ATP2C1: variants seen among roughly 807,000 people sequenced by gnomAD.
ATP2C1 encodes the protein ATPase secretory pathway Ca2+ transporting 1, also known as calcium-transporting ATPase type 2C member 1.
In ATP2C1, 31 loss-of-function variants were observed where a neutral mutation model predicts 120.5. The ratio of observed to expected loss-of-function variants is 0.26; its 90% CI spans 0.19 to 0.35. The LOEUF (loss-of-function observed/expected upper bound fraction) is 0.35. Among genes scored for constraint, ATP2C1 ranks in the 10% least tolerant of loss-of-function variants. The probability of loss-of-function intolerance (pLI) is 1.00; values close to 1 mark genes in which losing one functional copy is unlikely to be tolerated. For synonymous variants in ATP2C1, 351 were observed against 358.7 expected (o/e 0.98, Z 0.24); for missense variants, 731 against 1,107.5 (o/e 0.66, Z 4.83).
At chr3:130,918,388 G>A in intron 2 of ATP2C1, 1 of 1,362,860 alleles carries the variant, frequency 7.3e-7, no homozygotes, top group Non-Finnish European at 1.0e-6. Flanking sequence ...TTGTTCCAGG[G>A]CTTTCCAGCT....
chr3:130,931,312 A>G (rs1362930831), intron 3 of ATP2C1, among the ~76,000 whole-genome samples: 1 of 152,100 alleles, frequency 6.6e-6, no homozygotes, highest in East Asian at 1.9e-4. Flanking sequence ...ATCATGAGAG[A>G]GAATAACTGA....
chr3:131,016,045 T>G (rs202121445), intron 26 of ATP2C1: 656 of 1,470,146 alleles, frequency 4.5e-4, no homozygotes, highest in Middle Eastern at 8.6e-4. Context: ...TTGTTTTGGT[T>G]TTTTTTTTTA....
At chr3:130,918,595 T>G (rs2108221722) in intron 2 of ATP2C1, 2 of 711,602 alleles carry the variant, frequency 2.8e-6, no homozygotes, top group South Asian at 2.8e-5. Flanking sequence ...CTGTAGCCTT[T>G]TGGCCCATAC....
chr3:130,880,286 G>A, intron 1 of ATP2C1, among the ~76,000 whole-genome samples: 1 of 152,044 alleles, frequency 6.6e-6, no homozygotes, highest in Middle Eastern at 3.2e-3. Flanking sequence ...AAATAGTTTT[G>A]CATTCAGATG....
At chr3:131,000,003 A>C (rs932317226) in intron 27 of ATP2C1, among the ~76,000 whole-genome samples, 2 of 152,190 alleles carry the variant, frequency 1.3e-5, no homozygotes, top group African/African-American at 4.8e-5. Flanking sequence ...CTGAAAACCA[A>C]GTTGCTCTCT....
In ATP2C1 at chr3:130,975,336, G is replaced by T; in HGVS notation, c.1418G>T (p.Arg473Ile). 6.2e-7 allele frequency: 1 copy of T among 1,613,686 alleles called. No homozygotes were observed. The highest frequency in any genetic ancestry group is 1.1e-5 in the South Asian group (1 of 91,040). ...VKCVHRTQQD[R>I]PEICFMKGAY... ...TTTGGTACATTTTCTTCTTAGGACA[G>T]ACCAGAGATTTGTTTTATGAAAGGT... Residue 473 changes from arginine (R) to isoleucine (I), a missense_variant, in exon 18 of 28, where the codon AGA becomes ATA. Physicochemically the swap from Arg to Ile is moderately conservative, Grantham distance 97. This residue lies in a region of ATP2C1 where 571 missense variants were observed against 845.9 expected (regional missense o/e 0.67). Coordinates refer to ENST00000510168, the MANE Select transcript of ATP2C1 (RefSeq NM_001378687.1).
At chr3:130,893,426 A>C (rs852216), upstream of ATP2C1, among the ~76,000 whole-genome samples, 136,974 of 152,234 alleles carry the variant, frequency 0.9, 61,923 homozygotes, top group Non-Finnish European at 0.95. Flanking sequence ...ACACCCCTTA[A>C]AGAATTTTGG....
intron 2 of ATP2C1, among the ~76,000 whole-genome samples, chr3:130,900,937 G>A (rs1409902589): frequency 6.6e-6 from 1 of 152,108 alleles, no homozygotes; most frequent in African/African-American, 2.4e-5. Flanking sequence ...TATTTTTAGT[G>A]TTTCCCTAGC....
chr3:130,867,631 G>T (rs1474043511), intron 1 of ATP2C1, among the ~76,000 whole-genome samples: 1 of 147,612 alleles, frequency 6.8e-6, no homozygotes, highest in East Asian at 2.0e-4. Flanking sequence ...GCGTGATCTT[G>T]GCTCGCTACA....
intron 1 of ATP2C1, among the ~76,000 whole-genome samples, chr3:130,880,319 G>A (rs1370107481): frequency 6.6e-6 from 1 of 152,078 alleles, no homozygotes; most frequent in Non-Finnish European, 1.5e-5. Context: ...GCTTGATTGG[G>A]TCAGTTCAAG....
chr3:130,874,298 T>C (rs561814908), intron 1 of ATP2C1, among the ~76,000 whole-genome samples: 18 of 152,186 alleles, frequency 1.2e-4, no homozygotes, highest in Non-Finnish European at 7.4e-5. Flanking sequence ...CTGAAGTCAA[T>C]AGCCAATTTT....
At chr3:131,005,101 T>C (rs2063052200), downstream of ATP2C1, among the ~76,000 whole-genome samples, 1 of 149,978 alleles carries the variant, frequency 6.7e-6, no homozygotes, top group South Asian at 2.1e-4. Context: ...GCATGGAATT[T>C]GAATTGTCTT....
At chr3:130,879,256 G>A (rs1390521651) in intron 1 of ATP2C1, among the ~76,000 whole-genome samples, 2 of 151,862 alleles carry the variant, frequency 1.3e-5, no homozygotes, top group African/African-American at 2.4e-5. Context: ...TTTAATAGAG[G>A]CAGCGTTTCT....
Position 130,902,312 on chromosome 3 carries a change from T to G in ATP2C1, c.6+7537T>G, listed in dbSNP as rs538610507. Among the ~76,000 whole-genome samples the G allele has an allele frequency of 7.2e-3, 551 of 76,498 alleles. 4 individuals are homozygous for G. The highest frequency in any genetic ancestry group is 0.02 in the African/African-American group (495 of 24,674). 50.2% of individuals were successfully genotyped at this position (76,498 alleles called of 152,430 possible). ...TTTTTTTTTTGTTTTTTTTTTTTTTTTTTTTTTTTTCTGAGAGGTGAGTGG... is the reference window on the plus strand; with the variant it reads ...TTTTTTTTTTGTTTTTTTTTTTTTTGTTTTTTTTTTCTGAGAGGTGAGTGG... On this transcript the variant is annotated intron_variant, in intron 2 of 27. Coordinates refer to ENST00000510168, the MANE Select transcript of ATP2C1 (RefSeq NM_001378687.1).
At chr3:130,884,549 T>A (rs1355398474) in intron 1 of ATP2C1, among the ~76,000 whole-genome samples, 1 of 152,222 alleles carries the variant, frequency 6.6e-6, no homozygotes, top group Non-Finnish European at 1.5e-5. Flanking sequence ...TTAAATTTGA[T>A]GTTTGTTGAT....
intron 11 of ATP2C1, 132 bp from the exon 12 acceptor site, chr3:130,959,143 A>T: frequency 1.5e-6 from 1 of 655,516 alleles, no homozygotes. Flanking sequence ...GGATTTTTAT[A>T]AAATCTTCTA....
At chr3:131,009,045 G>A (rs996048235) in intron 26 of ATP2C1, among the ~76,000 whole-genome samples, 3 of 152,172 alleles carry the variant, frequency 2.0e-5, no homozygotes. Context: ...GAAGCAGTCT[G>A]CTCCTATCTG....
chr3:130,857,228 C>T (rs933096417), intron 1 of ATP2C1, among the ~76,000 whole-genome samples: 3 of 152,168 alleles, frequency 2.0e-5, no homozygotes, highest in Non-Finnish European at 2.9e-5. Flanking sequence ...AATGGTTTTT[C>T]ACATTATCTA....
chr3:130,959,007 A>G (rs1576885130), intron 11 of ATP2C1, among the ~76,000 whole-genome samples: 3 of 152,296 alleles, frequency 2.0e-5, no homozygotes, highest in Admixed American at 2.0e-4. Flanking sequence ...TGGTAGGAGC[A>G]GTGTCAACCA....
Sources: allele counts gnomAD v4.1 joint callset (sites outside exome capture counted in the v4.1 genomes callset), GRCh38; gene constraint gnomAD v4.1.1; regional missense constraint gnomAD v4.1.1; transcripts MANE v1.5; gene names NCBI Gene and HGNC (gene_info 2026-07-23, HGNC 2026-07-21).